SDK2: variants seen among roughly 807,000 people sequenced by gnomAD.
The protein encoded by SDK2 is sidekick cell adhesion molecule 2.
A neutral mutation model predicts 253.9 loss-of-function variants in SDK2; 105 were observed. The ratio of observed to expected loss-of-function variants is 0.41; its 90% confidence interval spans 0.35 to 0.49. The LOEUF (loss-of-function observed/expected upper bound fraction) is 0.49. Ranked by LOEUF, SDK2 falls within the 20% of genes least tolerant of loss-of-function variation. The pLI is 0.06. For synonymous variants in SDK2, 1,249 were observed against 1,234.9 expected, an observed-to-expected ratio of 1.01 and a Z score of -0.24; for missense variants, 2,608 against 3,003.0, an observed-to-expected ratio of 0.87 and a Z score of 3.07.
intron 40 of SDK2, chr17:73,357,681 A>G: frequency 3.1e-6 from 1 of 319,112 alleles, no homozygotes; most frequent in Non-Finnish European, 5.9e-6. Flanking sequence ...AGCCACTGAG[A>G]CAGCCATGAT....
intron 2 of SDK2, among the ~76,000 whole-genome samples, chr17:73,505,722 TCGTCAATAGCTGGACCTCATCAG>T (rs2063930145): frequency 1.3e-5 from 2 of 149,386 alleles, no homozygotes; most frequent in Non-Finnish European, 1.5e-5. Context: ...GACCTCATCA[TCGTCAATAGCTGGACCTCATCAG>T]CATCAATAGC....
At chr17:73,606,888 G>A (rs2045915548) in intron 1 of SDK2, among the ~76,000 whole-genome samples, 1 of 152,166 alleles carries the variant, frequency 6.6e-6, no homozygotes, top group Non-Finnish European at 1.5e-5. Context: ...ATGGCATGCT[G>A]AGTGGAGCAG....
At chr17:73,523,799 C>T (rs182757941) in intron 1 of SDK2, among the ~76,000 whole-genome samples, 8 of 151,900 alleles carry the variant, frequency 5.3e-5, no homozygotes, top group Middle Eastern at 3.4e-3. Flanking sequence ...GCCAGCACTG[C>T]GCAGAGCCCC....
At chr17:73,362,077 T>C (rs2062646233) in intron 38 of SDK2, among the ~76,000 whole-genome samples, 1 of 152,116 alleles carries the variant, frequency 6.6e-6, no homozygotes, top group Non-Finnish European at 1.5e-5. Flanking sequence ...CATGGTTCAG[T>C]ATGTTTGGGA....
In SDK2 at chr17:73,467,183, C is replaced by T. The variant is rs1214116674; in HGVS notation, c.331+4929G>A. ...AGAGCTGTTTGGACATGGATTATTA[C>T]AGCCCAGGGCTGTCCCTGATTCTGT... On this transcript the variant is annotated intron_variant, in intron 3 of 44. Transcript: ENST00000392650. The surrounding 1 kb of genome is among the most constrained non-coding windows in gnomAD (Gnocchi z 4.1). 6.6e-6 allele frequency among the ~76,000 whole-genome samples: 1 copy of T among 152,084 alleles called. No homozygotes were observed. The highest frequency in any genetic ancestry group is 1.5e-5 in the Non-Finnish European group (1 of 68,020).
chr17:73,559,492 T>C (rs976902847), intron 1 of SDK2, among the ~76,000 whole-genome samples: 5 of 152,090 alleles, frequency 3.3e-5, no homozygotes, highest in Non-Finnish European at 5.9e-5. Context: ...ACGTGGAGAA[T>C]GAGAGGGGCA....
chr17:73,560,615 C>T (rs910527254), intron 1 of SDK2, among the ~76,000 whole-genome samples: 1 of 152,280 alleles, frequency 6.6e-6, no homozygotes. Context: ...GCTGGGATTA[C>T]AGGCATGAGC....
In SDK2 at chr17:73,358,200, G is replaced by A. The variant is rs1369708601; in HGVS notation, c.5472C>T (p.Ala1824=). The change falls in exon 40 of 45, where the codon GCC becomes GCT. Residue 1824 remains alanine, a synonymous_variant. Transcript: ENST00000392650. ...TGATGGGCACGCCAGGCGGTCCTGG[G>A]GCACCTGCAGACAGCACACAGAGGC... ...ANVTTGPGEG[A]PGPPGVPIIV... The A allele has an allele frequency of 6.9e-6, 11 of 1,602,710 alleles. No individual in the cohort carries two copies. Among genetic ancestry groups the A allele is most frequent in the Non-Finnish European group, 9.3e-6 (11 of 1,176,884 alleles).
rs181874618 is a variant in SDK2, at chr17:73,449,951, A to C, written c.480-2203T>G. Among the ~76,000 whole-genome samples, 501 of 152,246 alleles carry C rather than the reference A, an allele frequency of 3.3e-3. 4 individuals are homozygous for C. Among genetic ancestry groups the C allele is most frequent in the Non-Finnish European group, 6.2e-3 (419 of 68,010 alleles). ...AAAACAAAACAAACAAACAAACAAA[A>C]AAACAAGAAACAAAAAACAGGAGAG... On this transcript the variant is annotated intron_variant, in intron 4 of 44. Transcript: ENST00000392650.
At chr17:73,381,051 C>T (rs1194367159) in intron 33 of SDK2, 101 bp from the exon 34 acceptor site, 113 of 715,308 alleles carry the variant, frequency 1.6e-4, no homozygotes, top group African/African-American at 3.5e-5. Context: ...CCCGGCCAGG[C>T]GGGGCTGACG....
chr17:73,400,958 C>T, intron 21 of SDK2, 62 bp downstream of exon 21: 2 of 1,479,714 alleles, frequency 1.4e-6, no homozygotes, highest in East Asian at 2.5e-5. Context: ...GACAAGGGGC[C>T]TCTTGAATGG....
rs11370779 is a variant in SDK2 at position 73,353,090 on chromosome 17, C to CAA, written c.5594-455_5594-454dup. The stretch of plus-strand genomic sequence containing the variant: ...TGGGCAGCAGAGCAAGACTCAGTCT[C>CAA]AAAAAAAAAAGACACCTTTTGGAGC... On this transcript the variant is annotated intron_variant, in intron 40 of 44. Transcript: ENST00000392650. 7.0e-3 allele frequency among the ~76,000 whole-genome samples: 1,053 copies of CAA among 149,444 alleles called. 6 individuals are homozygous for CAA. The highest frequency in any genetic ancestry group is 8.1e-3 in the Non-Finnish European group (548 of 67,254).
At chr17:73,615,324 T>C (rs1288473817) in intron 1 of SDK2, among the ~76,000 whole-genome samples, 1 of 152,148 alleles carries the variant, frequency 6.6e-6, no homozygotes, top group Non-Finnish European at 1.5e-5. Context: ...CAGAGCTGAG[T>C]CTAGAACTGG....
At chr17:73,630,954 C>T (rs967087765) in intron 1 of SDK2, among the ~76,000 whole-genome samples, 2 of 152,108 alleles carry the variant, frequency 1.3e-5, no homozygotes, top group African/African-American at 2.4e-5. Context: ...TCCACCAGGG[C>T]CTGAGGAGGA....
Position 73,415,884 on chromosome 17 carries a change from G to C in SDK2, c.2295C>G (p.Ile765Met), listed in dbSNP as rs774422994. Residue 765 changes from isoleucine to methionine, a missense_variant, in exon 17 of 45, where the codon ATC becomes ATG. Physicochemically the swap from Ile to Met is conservative, Grantham distance 10 (BLOSUM62 1). Around this residue, in one of 2 missense-constraint regions of SDK2, gnomAD observed 1,505 missense variants for 1,859.1 expected, o/e 0.81. Coordinates refer to ENST00000392650, the MANE Select transcript of SDK2 (RefSeq NM_001144952.2). ...CAGCGCTGTTGTAAGCAGCCACCTC[G>C]ATCTCGTAGTTGGTCCAAATGATGA... is the stretch of plus-strand genomic sequence containing the variant. ...EDLIIWTNYE[I>M]EVAAYNSAGL... 3.1e-6 allele frequency: 5 copies of C among 1,592,510 alleles called. No homozygotes were observed. In the South Asian group the frequency reaches 4.6e-5, roughly 15 times the overall value.
chr17:73,342,808 T>TA (rs892927834), intron 44 of SDK2, among the ~76,000 whole-genome samples: 1 of 151,370 alleles, frequency 6.6e-6, no homozygotes, highest in African/African-American at 2.4e-5. Flanking sequence ...TCCTTGTCTG[T>TA]AAAATGGGTA....
chr17:73,527,963 A>G (rs995446497), intron 1 of SDK2, among the ~76,000 whole-genome samples: 2 of 152,088 alleles, frequency 1.3e-5, no homozygotes, highest in Admixed American at 1.3e-4. Context: ...GGAACCAAGA[A>G]GACCTGTGTT....
chr17:73,472,656 G>T (rs1267070985), intron 2 of SDK2, among the ~76,000 whole-genome samples: 1 of 152,170 alleles, frequency 6.6e-6, no homozygotes. Flanking sequence ...AAATTTACAT[G>T]TTTTCCCAAA....
intron 36 of SDK2, among the ~76,000 whole-genome samples, chr17:73,378,628 C>G (rs2062804150): frequency 6.6e-6 from 1 of 152,058 alleles, no homozygotes; most frequent in African/African-American, 2.4e-5. Flanking sequence ...CCATGTTGGC[C>G]AGGCTGGTCT....
Sources: gnomAD v4.1 joint callset for allele counts (sites outside exome capture counted in the v4.1 genomes callset) on GRCh38, gnomAD v4.1.1 for gene constraint, gnomAD v4.1.1 regional missense constraint, Gnocchi (gnomAD v3.1) non-coding constraint, MANE v1.5 for transcripts, NCBI Gene and HGNC (gene_info 2026-07-23, HGNC 2026-07-21) for gene names.